The following NLGN1 variants were observed in gnomAD, a reference collection of about 807,000 sequenced individuals.
The protein encoded by NLGN1 is neuroligin-1.
A neutral mutation model predicts 65.5 loss-of-function variants in NLGN1; 12 were observed. The ratio of observed to expected loss-of-function variants is 0.18; its 90% CI spans 0.12 to 0.30. The LOEUF (loss-of-function observed/expected upper bound fraction) is 0.30. NLGN1 is among the 10% of genes least tolerant of loss of function. NLGN1 has a pLI of 1.00. For synonymous variants in NLGN1, 350 were observed against 359.5 expected (o/e 0.97, Z 0.30); for missense variants, 750 against 1,007.1 (o/e 0.74, Z 3.46).
At chr3:173,648,408 C>T (rs1396826243) in intron 3 of NLGN1, among the ~76,000 whole-genome samples, 2 of 152,018 alleles carry the variant, frequency 1.3e-5, no homozygotes, top group African/African-American at 4.8e-5. Context: ...ATGCAAATGA[C>T]AGCAAAAATG....
intron 4 of NLGN1, among the ~76,000 whole-genome samples, chr3:174,170,854 T>C (rs1315321580): frequency 2.0e-5 from 3 of 152,202 alleles, no homozygotes; most frequent in South Asian, 4.1e-4. Flanking sequence ...TATTGCCCTA[T>C]TAAGCCAAAT....
At chr3:174,187,743 G>A (rs1293685499) in intron 4 of NLGN1, among the ~76,000 whole-genome samples, 1 of 151,938 alleles carries the variant, frequency 6.6e-6, no homozygotes, top group Admixed American at 6.6e-5. Flanking sequence ...GGGAAGAATG[G>A]CACAAAATAA....
chr3:174,270,254 T>C (rs962635331), intron 4 of NLGN1, among the ~76,000 whole-genome samples: 11 of 151,500 alleles, frequency 7.3e-5, no homozygotes, highest in African/African-American at 2.4e-4. Context: ...TTCCTGAAAT[T>C]CTTAATCTAT....
At chr3:173,776,209 A>T (rs1227180343) in intron 3 of NLGN1, among the ~76,000 whole-genome samples, 2 of 152,084 alleles carry the variant, frequency 1.3e-5, no homozygotes, top group Non-Finnish European at 2.9e-5. Context: ...GAACAAAAAA[A>T]CTTTATTAGA....
intron 2 of NLGN1, among the ~76,000 whole-genome samples, chr3:173,529,256 C>T (rs1401993794): frequency 2.0e-5 from 3 of 152,108 alleles, no homozygotes; most frequent in African/African-American, 7.2e-5. Flanking sequence ...GACCTACCGG[C>T]CAGTAGGTGG....
chr3:174,027,535 G>C (rs1347537006), intron 4 of NLGN1, among the ~76,000 whole-genome samples: 1 of 151,922 alleles, frequency 6.6e-6, no homozygotes, highest in Non-Finnish European at 1.5e-5. Context: ...GAAGAAATTT[G>C]GTGAATAATA....
intron 4 of NLGN1, among the ~76,000 whole-genome samples, chr3:174,238,858 A>T (rs1742245914): frequency 6.6e-6 from 1 of 151,746 alleles, no homozygotes; most frequent in Non-Finnish European, 1.5e-5. Context: ...TAATAAGATG[A>T]TATCAACTGT....
At chr3:173,656,119 C>G (rs1268022705) in intron 3 of NLGN1, among the ~76,000 whole-genome samples, 1 of 152,024 alleles carries the variant, frequency 6.6e-6, no homozygotes, top group Non-Finnish European at 1.5e-5. Context: ...GGTGTTTGTC[C>G]TATGTAAATG....
At chr3:173,408,599 G>C (rs959392648) in intron 1 of NLGN1, among the ~76,000 whole-genome samples, 1 of 152,128 alleles carries the variant, frequency 6.6e-6, no homozygotes, top group Non-Finnish European at 1.5e-5. Flanking sequence ...GCGTAAACAT[G>C]GCCTCTATAA....
chr3:173,882,897 T>G (rs1388792318), intron 4 of NLGN1, among the ~76,000 whole-genome samples: 1 of 151,334 alleles, frequency 6.6e-6, no homozygotes, highest in Non-Finnish European at 1.5e-5. Flanking sequence ...TTTAATCATT[T>G]CTAGGTTTTG....
intron 4 of NLGN1, among the ~76,000 whole-genome samples, chr3:174,048,594 C>T (rs573552222): frequency 1.3e-5 from 2 of 151,674 alleles, no homozygotes; most frequent in South Asian, 4.2e-4. Context: ...AAAAATTTAT[C>T]CTGGGGGAAA....
At chr3:173,719,006 T>C (rs1241743643) in intron 3 of NLGN1, among the ~76,000 whole-genome samples, 4 of 152,186 alleles carry the variant, frequency 2.6e-5, no homozygotes, top group Non-Finnish European at 2.9e-5. Context: ...CCATTTTCCT[T>C]GCCCCCAAAG....
intron 4 of NLGN1, among the ~76,000 whole-genome samples, chr3:174,030,807 C>T (rs1009206542): frequency 6.6e-6 from 1 of 152,066 alleles, no homozygotes; most frequent in Non-Finnish European, 1.5e-5. Context: ...AAGAAACAAC[C>T]CAATTTACAT....
At chr3:173,664,344 C>G (rs1245092249) in intron 3 of NLGN1, among the ~76,000 whole-genome samples, 1 of 152,034 alleles carries the variant, frequency 6.6e-6, no homozygotes, top group Non-Finnish European at 1.5e-5. Flanking sequence ...TCTACCATCT[C>G]TTATCTTTTT....
chr3:174,190,937 G>A (rs530111648), intron 4 of NLGN1, among the ~76,000 whole-genome samples: 1 of 152,090 alleles, frequency 6.6e-6, no homozygotes, highest in East Asian at 1.9e-4. Context: ...TTGACTGGGG[G>A]CCGAGATCTC....
At chr3:173,762,751 T>G (rs1440251542) in intron 3 of NLGN1, among the ~76,000 whole-genome samples, 1 of 152,036 alleles carries the variant, frequency 6.6e-6, no homozygotes, top group Non-Finnish European at 1.5e-5. Flanking sequence ...GGAAAGTGAC[T>G]GCTTAGTCAT....
At chr3:173,636,246 C>T (rs1353287171) in intron 3 of NLGN1, among the ~76,000 whole-genome samples, 3 of 151,874 alleles carry the variant, frequency 2.0e-5, no homozygotes, top group Non-Finnish European at 2.9e-5. Flanking sequence ...CAGAACTCTC[C>T]ATTTGCACAC....
chr3:173,831,442 A>T (rs1268169948), intron 4 of NLGN1, among the ~76,000 whole-genome samples: 1 of 152,242 alleles, frequency 6.6e-6, no homozygotes, highest in African/African-American at 2.4e-5. Context: ...CTGCCCATAT[A>T]CACAGAACCA....
At position 173,730,327 on chromosome 3, in the gene NLGN1, C is replaced by CCG. The variant is rs1553822088; in HGVS notation, c.494-77352_494-77351insGC. ...ACACACTACTGCCCCACCGCTCCCC[C>CCG]CCCCCCGCAAAAATAGAATGAAAGC... On this transcript the variant is annotated intron_variant, in intron 3 of 6. Transcript: ENST00000457714. Among the ~76,000 whole-genome samples the CCG allele has an allele frequency of 1.4e-5, 2 of 138,236 alleles. 1 individual carries two copies. Among genetic ancestry groups the CCG allele is most frequent in the African/African-American group, 5.5e-5 (2 of 36,282 alleles). The allele number at this position is 138,236 out of a possible 152,430, so 90.7% of individuals were successfully genotyped here. A position where few individuals can be genotyped will look rare whatever the true frequency, so the allele number is the denominator to read the frequency against.
Sources: allele counts gnomAD v4.1 joint callset (sites outside exome capture counted in the v4.1 genomes callset), GRCh38; gene constraint gnomAD v4.1.1; transcripts MANE v1.5; gene names NCBI Gene and HGNC (gene_info 2026-07-23, HGNC 2026-07-21).